ESRRG: variants seen among roughly 807,000 people sequenced by gnomAD.
ESRRG encodes estrogen related receptor gamma, also known as estrogen-related receptor gamma.
Under a neutral mutation model 44.0 loss-of-function variants are expected in ESRRG, and 13 were observed. The ratio of observed to expected loss-of-function variants is 0.30; its 90% confidence interval spans 0.19 to 0.47. The LOEUF is 0.47. Ranked by LOEUF, ESRRG falls within the 20% of genes least tolerant of loss-of-function variation. The pLI, the probability that ESRRG is intolerant of heterozygous loss-of-function variation, is 1.00. For missense variants in ESRRG, 395 were observed against 580.6 expected (o/e 0.68, Z 3.29); for synonymous variants, 215 against 214.6 (o/e 1.00, Z -0.02).
At chr1:216,979,638 A>G (rs1373133541) in intron 1 of ESRRG, among the ~76,000 whole-genome samples, 2 of 152,156 alleles carry the variant, frequency 1.3e-5, no homozygotes, top group Non-Finnish European at 2.9e-5. Flanking sequence ...TTCCTCATCT[A>G]TAAAATGGGA....
intron 1 of ESRRG, among the ~76,000 whole-genome samples, chr1:216,965,142 G>T (rs569542991): frequency 6.8e-6 from 1 of 146,584 alleles, no homozygotes; most frequent in Non-Finnish European, 1.5e-5. Flanking sequence ...TTATGCAACC[G>T]AAAAGTTACA....
intron 1 of ESRRG, among the ~76,000 whole-genome samples, chr1:217,096,349 C>A (rs2092422562): frequency 6.6e-6 from 1 of 152,204 alleles, no homozygotes; most frequent in African/African-American, 2.4e-5. Flanking sequence ...AAGCTACCAA[C>A]TACGTTCTCA....
intron 1 of ESRRG, among the ~76,000 whole-genome samples, chr1:217,099,631 T>C (rs1358854021): frequency 6.6e-6 from 1 of 152,180 alleles, no homozygotes; most frequent in East Asian, 1.9e-4. Flanking sequence ...AAAATGGTCA[T>C]CATTGTCTGG....
chr1:216,794,063 C>T (rs2094405901), intron 2 of ESRRG, among the ~76,000 whole-genome samples: 1 of 151,164 alleles, frequency 6.6e-6, no homozygotes, highest in Admixed American at 6.6e-5. Context: ...TTTTTAAATG[C>T]TCCTACCATT....
chr1:216,874,818 C>A (rs926174156), intron 2 of ESRRG, among the ~76,000 whole-genome samples: 1 of 152,158 alleles, frequency 6.6e-6, no homozygotes, highest in African/African-American at 2.4e-5. Flanking sequence ...ATAAAGCAGG[C>A]AGGAGAAGAT....
Position 217,055,571 on chromosome 1 carries a change from C to T in ESRRG, c.-106+33936G>A, listed in dbSNP as rs186526252. ...ACCTTCATGTACCCCAAAACCAGGG[C>T]TTCAACCCCCTGTACAGCCATGGGA... On this transcript the variant is annotated intron_variant, in intron 1 of 7. Coordinates refer to the ESRRG transcript ENST00000359162. 3.2e-4 allele frequency among the ~76,000 whole-genome samples: 48 copies of T among 152,282 alleles called. No individual in the cohort carries two copies. The East Asian group carries it at 7.7e-3, about 25-fold the overall frequency.
chr1:216,514,807 T>C (rs1055471389), intron 6 of ESRRG, among the ~76,000 whole-genome samples: 1 of 152,110 alleles, frequency 6.6e-6, no homozygotes, highest in African/African-American at 2.4e-5. Flanking sequence ...TCAAATAAGA[T>C]TCCCTAGAAG....
chr1:216,801,377 C>T (rs1460701413), intron 2 of ESRRG, among the ~76,000 whole-genome samples: 1 of 152,154 alleles, frequency 6.6e-6, no homozygotes, highest in African/African-American at 2.4e-5. Context: ...CTATATCTGC[C>T]ATTTTGTATC....
At chr1:216,934,439 T>C (rs1578333861) in intron 2 of ESRRG, among the ~76,000 whole-genome samples, 1 of 151,772 alleles carries the variant, frequency 6.6e-6, no homozygotes, top group Non-Finnish European at 1.5e-5. Context: ...ATCTCAAAAA[T>C]AAAAAGAAAT....
chr1:216,564,572 G>A (rs1444792253), intron 4 of ESRRG, among the ~76,000 whole-genome samples, 192 bp from the exon 5 acceptor site: 1 of 151,842 alleles, frequency 6.6e-6, no homozygotes, highest in Non-Finnish European at 1.5e-5. Context: ...TGCCACTGCA[G>A]TCGTGATAGA....
chr1:216,656,235 T>G (rs890430287), intron 2 of ESRRG, among the ~76,000 whole-genome samples: 10 of 152,170 alleles, frequency 6.6e-5, no homozygotes, highest in African/African-American at 9.7e-5. Flanking sequence ...CTGGGACACA[T>G]TTGTTAGATG....
chr1:216,957,465 T>C (rs1227714157), intron 1 of ESRRG, among the ~76,000 whole-genome samples: 1 of 152,204 alleles, frequency 6.6e-6, no homozygotes, highest in Non-Finnish European at 1.5e-5. Context: ...ATTACTCTCA[T>C]TCTTTAAGCA....
At chr1:216,809,325 TAAAA>T (rs201618241) in intron 2 of ESRRG, among the ~76,000 whole-genome samples, 31 of 119,116 alleles carry the variant, frequency 2.6e-4, no homozygotes, top group Non-Finnish European at 3.8e-4. Context: ...TTTTTTACAG[TAAAA>T]AAAAAAAAAA....
chr1:216,825,309 C>T (rs1199392454), intron 2 of ESRRG, among the ~76,000 whole-genome samples: 4 of 152,162 alleles, frequency 2.6e-5, no homozygotes, highest in Non-Finnish European at 5.9e-5. Flanking sequence ...TGGAACTGAG[C>T]TCCATCACAC....
chr1:216,713,544 C>G (rs1013224972), intron 1 of ESRRG, among the ~76,000 whole-genome samples: 4 of 152,122 alleles, frequency 2.6e-5, no homozygotes, highest in Non-Finnish European at 5.9e-5. Context: ...GGCATAACTG[C>G]ATCTTCTAAC....
At chr1:216,565,811 G>A (rs7542567) in intron 4 of ESRRG, among the ~76,000 whole-genome samples, 128,360 of 152,092 alleles carry the variant, frequency 0.84, 54,516 homozygotes, top group Middle Eastern at 0.89. Context: ...GATTTTTCTT[G>A]TATGCTACAG....
intron 2 of ESRRG, among the ~76,000 whole-genome samples, chr1:216,732,856 G>GA (rs1406237912): frequency 6.9e-6 from 1 of 144,988 alleles, no homozygotes; most frequent in Non-Finnish European, 1.5e-5. Context: ...AAAAGGGGGG[G>GA]GAGGAGGGGG....
intron 2 of ESRRG, among the ~76,000 whole-genome samples, chr1:216,736,176 A>ATTTTTTT (rs34469625): frequency 2.4e-5 from 2 of 82,688 alleles, no homozygotes; most frequent in Non-Finnish European, 4.4e-5. Context: ...GTTAAGGACT[A>ATTTTTTT]TTTTTTTTTT....
intron 5 of ESRRG, among the ~76,000 whole-genome samples, chr1:216,545,572 T>G (rs901816745): frequency 1.3e-5 from 2 of 152,102 alleles, no homozygotes; most frequent in Non-Finnish European, 2.9e-5. Context: ...ATTTAGAACA[T>G]TTATCACTTG....
Sources: gnomAD v4.1 joint callset for allele counts (sites outside exome capture counted in the v4.1 genomes callset) on GRCh38, gnomAD v4.1.1 for gene constraint, MANE v1.5 for transcripts, NCBI Gene and HGNC (gene_info 2026-07-23, HGNC 2026-07-21) for gene names.